NFIB: variants seen among roughly 807,000 people sequenced by gnomAD.
NFIB encodes nuclear factor 1 B-type.
NFIB carries 11 observed loss-of-function variants against 61.5 expected under a neutral mutation model. The observed-to-expected ratio is 0.18, with a 90% CI of 0.11 to 0.30. NFIB has a LOEUF of 0.30. NFIB is among the 10% of genes least tolerant of loss of function. NFIB has a pLI of 1.00. For synonymous variants in NFIB, 260 were observed against 216.5 expected (o/e 1.20, Z -1.76); for missense variants, 471 against 608.9 (o/e 0.77, Z 2.38).
intron 2 of NFIB, among the ~76,000 whole-genome samples, chr9:14,260,304 A>T (rs910632212): frequency 6.6e-6 from 1 of 152,228 alleles, no homozygotes; most frequent in Non-Finnish European, 1.5e-5. Context: ...CTGAATATGT[A>T]TAAATGCAGA....
At chr9:14,379,118 A>G (rs1355876752) in intron 1 of NFIB, among the ~76,000 whole-genome samples, 1 of 152,220 alleles carries the variant, frequency 6.6e-6, no homozygotes, top group East Asian at 1.9e-4. Context: ...ATCACCTCTC[A>G]GCATATCTTA....
chr9:14,390,495 A>G (rs10756547), intron 1 of NFIB, among the ~76,000 whole-genome samples: 47,134 of 151,484 alleles, frequency 0.31, 8,203 homozygotes, highest in Non-Finnish European at 0.41. Context: ...GAGTAAACTA[A>G]AAGAGCTCTC....
chr9:14,294,489 A>G (rs555620570), intron 2 of NFIB, among the ~76,000 whole-genome samples: 3 of 152,236 alleles, frequency 2.0e-5, no homozygotes, highest in East Asian at 1.9e-4. Flanking sequence ...CCCAGTTTAC[A>G]TATGTTTAAA....
chr9:14,407,377 A>G, the NFIB span, among the ~76,000 whole-genome samples: 3 of 152,198 alleles, frequency 2.0e-5, no homozygotes, highest in Non-Finnish European at 4.4e-5. Context: ...GTTATTTAGC[A>G]TTGTCTTAAG....
At chr9:14,215,243 T>C (rs78247724) in intron 2 of NFIB, among the ~76,000 whole-genome samples, 5,560 of 147,106 alleles carry the variant, frequency 0.038, 776 homozygotes, top group African/African-American at 0.14. Context: ...GTCCAGCATA[T>C]TGGAACCGAA....
the NFIB span, among the ~76,000 whole-genome samples, chr9:14,424,013 T>C: frequency 2.4e-3 from 368 of 152,202 alleles, 3 homozygotes; most frequent in African/African-American, 8.0e-3. Context: ...CTCTCGCTTT[T>C]TTGGCAAGGG....
rs1344635802 is a variant in NFIB at position 14,083,401 on chromosome 9, G to A, written c.*4908C>T. 4.6e-6 allele frequency: 1 copy of A among 218,742 alleles called. No individual in the cohort carries two copies. The highest frequency in any genetic ancestry group is 2.3e-5 in the African/African-American group (1 of 43,880). The allele number at this position is 218,742 out of a possible 1,614,324, so 13.6% of individuals were successfully genotyped here. A position where few individuals can be genotyped will look rare whatever the true frequency, so the allele number is the denominator to read the frequency against. ...CCAGAAAGTGCAAAATATGAAGAAG[G>A]CAGCTTTCAGCTCCTTCAGCATGGA... On this transcript the variant is annotated 3_prime_UTR_variant, in exon 11 of 11. Transcript: ENST00000380953.
chr9:14,508,803 C>T, the NFIB span, among the ~76,000 whole-genome samples: 1 of 152,236 alleles, frequency 6.6e-6, no homozygotes, highest in African/African-American at 2.4e-5. Context: ...TTTGGATCCC[C>T]TGTTAGCAAA....
chr9:14,442,808 A>G, the NFIB span, among the ~76,000 whole-genome samples: 5 of 152,094 alleles, frequency 3.3e-5, no homozygotes, highest in Non-Finnish European at 7.4e-5. Flanking sequence ...TTTTGAGGGG[A>G]CACGGCTTAA....
intron 3 of NFIB, among the ~76,000 whole-genome samples, chr9:14,169,601 A>G (rs1023121594): frequency 6.6e-6 from 1 of 152,166 alleles, no homozygotes; most frequent in African/African-American, 2.4e-5. Context: ...TGGGCGGATC[A>G]CATGAGGTCA....
At chr9:14,414,467 C>A in the NFIB span, among the ~76,000 whole-genome samples, 1 of 143,154 alleles carries the variant, frequency 7.0e-6, no homozygotes. Context: ...CGTAATTGGA[C>A]ATAACTGGAT....
At chr9:14,454,279 A>G in the NFIB span, among the ~76,000 whole-genome samples, 1 of 152,220 alleles carries the variant, frequency 6.6e-6, no homozygotes, top group African/African-American at 2.4e-5. Flanking sequence ...TGTATTAATA[A>G]GGAATTGTGG....
chr9:14,529,107 C>T, the NFIB span, among the ~76,000 whole-genome samples: 6 of 152,206 alleles, frequency 3.9e-5, no homozygotes, highest in East Asian at 3.9e-4. Flanking sequence ...GTTTACTCTT[C>T]GTGTACTTGT....
chr9:14,254,563 G>A (rs1026276226), intron 2 of NFIB, among the ~76,000 whole-genome samples: 44 of 152,116 alleles, frequency 2.9e-4, no homozygotes, highest in Non-Finnish European at 8.8e-5. Context: ...GTGAAATGAT[G>A]AGGCTAATTT....
intron 6 of NFIB, among the ~76,000 whole-genome samples, chr9:14,134,897 C>CAAAAAAAAAAAAAAAAAAAA (rs57014530): frequency 1.6e-5 from 1 of 64,336 alleles, no homozygotes; most frequent in African/African-American, 4.6e-5. Flanking sequence ...GACTCTGTCT[C>CAAAAAAAAAAAAAAAAAAAA]AAAAAAAAAA....
chr9:14,496,228 T>C, the NFIB span, among the ~76,000 whole-genome samples: 1 of 152,244 alleles, frequency 6.6e-6, no homozygotes, highest in African/African-American at 2.4e-5. Flanking sequence ...TAGTGAGACA[T>C]CTTGGGGATG....
At chr9:14,456,390 CAG>C in the NFIB span, among the ~76,000 whole-genome samples, 1 of 152,046 alleles carries the variant, frequency 6.6e-6, no homozygotes, top group South Asian at 2.1e-4. Context: ...TCACCACAAA[CAG>C]AGTAAAAAGA....
At chr9:14,447,725 C>T in the NFIB span, among the ~76,000 whole-genome samples, 2 of 152,156 alleles carry the variant, frequency 1.3e-5, no homozygotes, top group Admixed American at 6.5e-5. Context: ...GGGATACAGG[C>T]ATGTGGACTC....
the NFIB span, among the ~76,000 whole-genome samples, chr9:14,489,897 C>T: frequency 6.6e-6 from 1 of 151,612 alleles, no homozygotes. Context: ...TAATATGTAC[C>T]ACAGTTTATC....
Sources: gnomAD v4.1 joint callset for allele counts (sites outside exome capture counted in the v4.1 genomes callset) on GRCh38, gnomAD v4.1.1 for gene constraint, MANE v1.5 for transcripts, NCBI Gene and HGNC (gene_info 2026-07-23, HGNC 2026-07-21) for gene names.